Variants in DNAH6 observed in about 807,000 individuals in gnomAD.
DNAH6 encodes the protein dynein axonemal heavy chain 6, also known as axonemal beta dynein heavy chain 6.
Under a neutral mutation model 491.4 loss-of-function variants are expected in DNAH6, and 340 were observed. The ratio of observed to expected loss-of-function variants is 0.69; its 90% CI spans 0.63 to 0.76. The LOEUF (loss-of-function observed/expected upper bound fraction) is 0.76. Ranked by LOEUF, DNAH6 falls within the 30% of genes least tolerant of loss-of-function variation. DNAH6 has a pLI of 0.00. For synonymous variants in DNAH6, 1,603 were observed against 1,686.1 expected, an observed-to-expected ratio of 0.95 and a Z score of 1.21; for missense variants, 4,443 against 4,972.2, an observed-to-expected ratio of 0.89 and a Z score of 3.20.
chr2:84,655,845 T>G (rs1573377626), intron 35 of DNAH6, among the ~76,000 whole-genome samples: 1 of 152,116 alleles, frequency 6.6e-6, no homozygotes, highest in African/African-American at 2.4e-5. Flanking sequence ...AGTTCACTCT[T>G]TGTGTGCAAT....
At chr2:84,779,607 T>C (rs1573786981) in intron 64 of DNAH6, among the ~76,000 whole-genome samples, 1 of 152,218 alleles carries the variant, frequency 6.6e-6, no homozygotes, top group East Asian at 1.9e-4. Context: ...TCTGTGCCTG[T>C]TAAATGGGGT....
rs368540295 is a variant in DNAH6, at chr2:84,646,333, T to C, written c.5078+4279T>C. On this transcript the variant is annotated intron_variant, in intron 33 of 76. Transcript: ENST00000389394. ...TTGGGCCTCCCTCTTCTCTGAGACATAATAATATTGAAATTAGGCCAACTA... is the reference window on the plus strand; with the variant it reads ...TTGGGCCTCCCTCTTCTCTGAGACACAATAATATTGAAATTAGGCCAACTA... 7.9e-5 allele frequency among the ~76,000 whole-genome samples: 12 copies of C among 152,204 alleles called. No individual in the cohort carries two copies. In the East Asian group the frequency reaches 1.4e-3, roughly 17 times the overall value.
At chr2:84,601,103 G>A (rs1409655186) in intron 18 of DNAH6, among the ~76,000 whole-genome samples, 1 of 141,202 alleles carries the variant, frequency 7.1e-6, no homozygotes, top group African/African-American at 3.1e-5. Context: ...TTATATGGAT[G>A]AGTCAGGAAA....
At chr2:84,683,855 C>G (rs1382185844) in intron 42 of DNAH6, among the ~76,000 whole-genome samples, 2 of 152,162 alleles carry the variant, frequency 1.3e-5, no homozygotes, top group African/African-American at 2.4e-5. Flanking sequence ...AAAGCCAGCT[C>G]TCTTTCCTGT....
intron 54 of DNAH6, among the ~76,000 whole-genome samples, chr2:84,708,594 AGAAG>A (rs1311429503): frequency 2.2e-4 from 33 of 150,474 alleles, no homozygotes; most frequent in African/African-American, 5.9e-4. Flanking sequence ...AAGGAAGGAA[AGAAG>A]GAAGGAAGGA....
At chr2:84,702,679 A>T (rs901976291) in intron 49 of DNAH6, among the ~76,000 whole-genome samples, 3 of 151,606 alleles carry the variant, frequency 2.0e-5, no homozygotes, top group Non-Finnish European at 2.9e-5. Flanking sequence ...AGTAGCTGGG[A>T]CTATAGTCAA....
chr2:84,707,565 A>G lies in DNAH6; in HGVS notation c.8897A>G (p.Lys2966Arg). ...LTKARLVRAG[K>R]LTAALEDEQV... ...AAAGCACGTCTAGTACGTGCTGGAA[A>G]GCTGACAGCAGCATTAGAAGATGAG... Residue 2966 changes from lysine to arginine, a missense_variant, in exon 54 of 77, where the codon AAG (lysine) becomes AGG (arginine). Around this residue, in one of 3 missense-constraint regions of DNAH6, gnomAD observed 1,463 missense variants for 1,656.6 expected, o/e 0.88. Transcript: ENST00000389394. The G allele has an allele frequency of 1.9e-6, 3 of 1,552,026 alleles. No individual in the cohort carries two copies. The highest frequency in any genetic ancestry group is 2.6e-6 in the Non-Finnish European group (3 of 1,147,042).
rs146269930 is a variant in DNAH6, at chr2:84,584,141, A to T, written c.2372A>T (p.Asp791Val). The change falls in exon 15 of 77, where the codon GAT (aspartate) becomes GTT (valine). Residue 791 changes from aspartate to valine, a missense_variant. Transcript: ENST00000389394. ...ATTGTTGCTGTTCGGAATGCCATTG[A>T]TAAATCAGTGGGTGATAGAGAATCA... ...PSIVAVRNAI[D>V]KSVGDRESSI... 3 of 1,614,078 alleles carry T rather than the reference A, an allele frequency of 1.9e-6. No homozygotes were observed. The African/African-American group carries it at 4.0e-5, about 22-fold the overall frequency.
At chr2:84,702,228 G>A (rs561480703) in intron 49 of DNAH6, among the ~76,000 whole-genome samples, 1 of 152,280 alleles carries the variant, frequency 6.6e-6, no homozygotes, top group East Asian at 1.9e-4. Context: ...ACTTCTCTAA[G>A]CCTTAGTAGA....
At chr2:84,617,658 T>C (rs1269712827) in intron 23 of DNAH6, among the ~76,000 whole-genome samples, 1 of 152,042 alleles carries the variant, frequency 6.6e-6, no homozygotes, top group East Asian at 1.9e-4. Context: ...ATCACCCCAT[T>C]GTTTTACTGT....
At chr2:84,669,588 T>A in intron 38 of DNAH6, 78 bp downstream of exon 38, 2 of 1,221,178 alleles carry the variant, frequency 1.6e-6, no homozygotes, top group Non-Finnish European at 2.3e-6. Flanking sequence ...GCACCAGAAG[T>A]AATATTATTT....
At chr2:84,533,628 A>G (rs1234087490) in intron 4 of DNAH6, among the ~76,000 whole-genome samples, 3 of 152,264 alleles carry the variant, frequency 2.0e-5, no homozygotes, top group Non-Finnish European at 2.9e-5. Context: ...ATTAGTGGGC[A>G]TATCTATCCA....
At chr2:84,543,031 C>T (rs1046642183) in intron 4 of DNAH6, among the ~76,000 whole-genome samples, 9 of 151,966 alleles carry the variant, frequency 5.9e-5, no homozygotes, top group African/African-American at 2.2e-4. Context: ...TAGTGGCAGG[C>T]GCCTGTAATC....
At chr2:84,562,962 G>A (rs1164837134) in intron 11 of DNAH6, among the ~76,000 whole-genome samples, 2 of 152,158 alleles carry the variant, frequency 1.3e-5, no homozygotes, top group African/African-American at 4.8e-5. Context: ...CTGGTAGGAG[G>A]TAATTGAATC....
At chr2:84,715,713 T>G in intron 58 of DNAH6, 86 bp downstream of exon 58, 2 of 1,328,598 alleles carry the variant, frequency 1.5e-6, no homozygotes, top group South Asian at 2.6e-5. Flanking sequence ...AAAGACAATG[T>G]TCTGCTGTGT....
chr2:84,583,901 A>T lies in DNAH6; in HGVS notation c.2230-98A>T. The T allele has an allele frequency of 2.4e-6, 3 of 1,235,964 alleles. No individual in the cohort carries two copies. In the South Asian group the frequency reaches 4.3e-5, roughly 18 times the overall value. 76.6% of individuals were successfully genotyped at this position (1,235,964 alleles called of 1,614,324 possible). The stretch of plus-strand genomic sequence containing the variant: ...AGCAGCAGCAGAACAGACTAATACA[A>T]TGTTCATATTGTACAGTGTCTGTCT... On this transcript the variant is annotated intron_variant, in intron 14 of 76. Transcript: ENST00000389394.
intron 42 of DNAH6, among the ~76,000 whole-genome samples, chr2:84,682,000 TA>T (rs5832619): frequency 0.75 from 114,121 of 151,928 alleles, 43,224 homozygotes; most frequent in East Asian, 0.92. Flanking sequence ...CCTCCCATCT[TA>T]AAAAAAAATA....
At chr2:84,495,591 A>T in the DNAH6 span, among the ~76,000 whole-genome samples, 1 of 152,328 alleles carries the variant, frequency 6.6e-6, no homozygotes, top group East Asian at 1.9e-4. Flanking sequence ...TTGGTTCAAT[A>T]TTTTGAAGGA....
At chr2:84,777,512 C>G (rs1676255744) in intron 64 of DNAH6, 1 of 735,384 alleles carries the variant, frequency 1.4e-6, no homozygotes, top group Non-Finnish European at 2.5e-6. Context: ...AATGTCCCAG[C>G]CTTTGAGTTT....
Sources: gnomAD v4.1 joint callset for allele counts (sites outside exome capture counted in the v4.1 genomes callset) on GRCh38, gnomAD v4.1.1 for gene constraint, gnomAD v4.1.1 regional missense constraint, MANE v1.5 for transcripts, NCBI Gene and HGNC (gene_info 2026-07-23, HGNC 2026-07-21) for gene names.